GLIS3: variants seen among roughly 807,000 people sequenced by gnomAD.
GLIS3 encodes the protein GLIS family zinc finger 3.
GLIS3 carries 53 observed loss-of-function variants against 78.6 expected under a neutral mutation model. That is an observed-to-expected ratio of 0.67 (90% CI 0.54 to 0.85). GLIS3 has a LOEUF of 0.85. Ranked by LOEUF, GLIS3 falls within the 40% of genes least tolerant of loss-of-function variation. GLIS3 has a pLI of 0.00. For synonymous variants in GLIS3, 684 were observed against 509.9 expected (o/e 1.34, Z -4.60); for missense variants, 1,703 against 1,231.1 (o/e 1.38, Z -5.74).
At chr9:3,845,819 G>A (rs1819003503) in intron 9 of GLIS3, among the ~76,000 whole-genome samples, 1 of 152,070 alleles carries the variant, frequency 6.6e-6, no homozygotes, top group Non-Finnish European at 1.5e-5. Context: ...CTCCCCATGG[G>A]GACAGCCCCC....
At chr9:4,388,117 C>G in the GLIS3 span, among the ~76,000 whole-genome samples, 7,720 of 152,230 alleles carry the variant, frequency 0.051, 572 homozygotes, top group African/African-American at 0.16. Context: ...TTTTATCTAT[C>G]AAAGTATAAG....
chr9:3,954,217 GAA>G (rs1816933343), intron 4 of GLIS3, among the ~76,000 whole-genome samples: 1 of 152,154 alleles, frequency 6.6e-6, no homozygotes, highest in Non-Finnish European at 1.5e-5. Flanking sequence ...TGCATTTGGA[GAA>G]ACTGAGGCAC....
At chr9:4,455,182 T>C in the GLIS3 span, among the ~76,000 whole-genome samples, 1 of 152,222 alleles carries the variant, frequency 6.6e-6, no homozygotes, top group African/African-American at 2.4e-5. Context: ...AAAGTTACTA[T>C]TCTTTCACAT....
chr9:3,904,851 C>A (rs1365701058), intron 6 of GLIS3, among the ~76,000 whole-genome samples: 2 of 152,128 alleles, frequency 1.3e-5, no homozygotes, highest in Admixed American at 1.3e-4. Context: ...TAGAGGGAAT[C>A]CCAAATTATG....
chr9:3,959,712 C>G (rs989973635), intron 4 of GLIS3, among the ~76,000 whole-genome samples: 4 of 152,188 alleles, frequency 2.6e-5, no homozygotes. Context: ...AACATTTCTT[C>G]CCCTAGAGTC....
At chr9:3,967,546 A>T (rs1443122382) in intron 4 of GLIS3, among the ~76,000 whole-genome samples, 1 of 152,160 alleles carries the variant, frequency 6.6e-6, no homozygotes, top group Non-Finnish European at 1.5e-5. Context: ...ATATTAGTAT[A>T]TGAGGATAAG....
the GLIS3 span, among the ~76,000 whole-genome samples, chr9:4,441,044 G>C: frequency 1.6e-4 from 24 of 152,066 alleles, no homozygotes; most frequent in Admixed American, 5.9e-4. Flanking sequence ...AGTTCTAACA[G>C]CTTTTTGGCA....
At chr9:4,062,515 G>A (rs1826736025) in intron 4 of GLIS3, among the ~76,000 whole-genome samples, 1 of 152,186 alleles carries the variant, frequency 6.6e-6, no homozygotes, top group African/African-American at 2.4e-5. Context: ...TCACATATTT[G>A]CTGTATGATC....
At chr9:4,116,876 G>C (rs1345558661) in intron 4 of GLIS3, among the ~76,000 whole-genome samples, 2 of 152,138 alleles carry the variant, frequency 1.3e-5, no homozygotes, top group African/African-American at 4.8e-5. Context: ...CAATACTTAA[G>C]TGAGCTGTCT....
intron 2 of GLIS3, among the ~76,000 whole-genome samples, chr9:4,155,152 G>C (rs1183990428): frequency 6.6e-6 from 1 of 152,022 alleles, no homozygotes; most frequent in Non-Finnish European, 1.5e-5. Context: ...AAAATGTTCT[G>C]CAATAAACAT....
At chr9:4,389,307 G>A in the GLIS3 span, among the ~76,000 whole-genome samples, 2 of 152,200 alleles carry the variant, frequency 1.3e-5, no homozygotes, top group African/African-American at 2.4e-5. Context: ...CATCTAGGTT[G>A]CTAATTCATG....
In GLIS3 at chr9:4,004,217, AAAC is replaced by A. The variant is rs1021560399; in HGVS notation, c.1711-67031_1711-67029del. 7.9e-5 allele frequency among the ~76,000 whole-genome samples: 12 copies of A among 152,306 alleles called. 1 individual carries two copies. Among genetic ancestry groups the A allele is most frequent in the African/African-American group, 2.9e-4 (12 of 41,562 alleles). On this transcript the variant is annotated intron_variant, in intron 4 of 10. Transcript: ENST00000381971. ...AGGGAATGAATTAAAAATATGAGGA[AAAC>A]AACTCCTTTTTATCAGTTGACTGAT...
At chr9:3,852,854 T>C (rs1819521000) in intron 9 of GLIS3, among the ~76,000 whole-genome samples, 1 of 152,192 alleles carries the variant, frequency 6.6e-6, no homozygotes, top group African/African-American at 2.4e-5. Flanking sequence ...TTTAAACTTA[T>C]TTTTAGGGCT....
chr9:3,993,884 A>G (rs1820527161), intron 4 of GLIS3, among the ~76,000 whole-genome samples: 1 of 152,106 alleles, frequency 6.6e-6, no homozygotes, highest in African/African-American at 2.4e-5. Flanking sequence ...TTTTAAAAGT[A>G]TTTTGACAAA....
chr9:4,053,703 C>CAAAAAAAAAAAAAAAAAAAAAAAAA (rs1401904227), intron 4 of GLIS3, among the ~76,000 whole-genome samples: 1 of 26,592 alleles, frequency 3.8e-5, no homozygotes, highest in African/African-American at 6.9e-5. Flanking sequence ...TTTCTTTCTT[C>CAAAAAAAAAAAAAAAAAAAAAAAAA]ATAAAAAAAA....
chr9:4,247,770 G>C (rs1045931473), intron 2 of GLIS3, among the ~76,000 whole-genome samples: 2 of 152,088 alleles, frequency 1.3e-5, no homozygotes, highest in African/African-American at 4.8e-5. Context: ...TAAATTAAGA[G>C]AAGTTTTCTC....
At chr9:4,334,033 C>A (rs565041740) in intron 2 of GLIS3, among the ~76,000 whole-genome samples, 1 of 152,116 alleles carries the variant, frequency 6.6e-6, no homozygotes, top group Non-Finnish European at 1.5e-5. Flanking sequence ...AAAGTGACCT[C>A]TTCATGAGGC....
intron 4 of GLIS3, among the ~76,000 whole-genome samples, chr9:4,041,379 T>C (rs1406552193): frequency 6.6e-5 from 10 of 152,230 alleles, no homozygotes. Context: ...GTGTCATTAA[T>C]GCTGCTTTTG....
At chr9:3,942,870 A>G (rs1320079707) in intron 4 of GLIS3, among the ~76,000 whole-genome samples, 1 of 152,236 alleles carries the variant, frequency 6.6e-6, no homozygotes, top group African/African-American at 2.4e-5. Context: ...TGGGATTTTA[A>G]AAAGACGAAA....
Sources: allele counts gnomAD v4.1 joint callset (sites outside exome capture counted in the v4.1 genomes callset), GRCh38; gene constraint gnomAD v4.1.1; transcripts MANE v1.5; gene names NCBI Gene and HGNC (gene_info 2026-07-23, HGNC 2026-07-21).